BBX: variants seen among roughly 807,000 people sequenced by gnomAD.
The protein encoded by BBX is HMG box transcription factor BBX.
In BBX, 30 loss-of-function variants were observed where a neutral mutation model predicts 100.2. The observed-to-expected ratio is 0.30, with a 90% CI of 0.22 to 0.41. BBX has a LOEUF of 0.41. Ranked by LOEUF, BBX falls within the 10% of genes least tolerant of loss-of-function variation. The pLI, the probability that BBX is intolerant of heterozygous loss-of-function variation, is 1.00. For missense variants in BBX, 1,023 were observed against 1,129.8 expected, an observed-to-expected ratio of 0.91 and a Z score of 1.35; for synonymous variants, 376 against 388.1, an observed-to-expected ratio of 0.97 and a Z score of 0.37.
At chr3:107,538,835 G>A (rs1320566996) in intron 2 of BBX, among the ~76,000 whole-genome samples, 1 of 151,856 alleles carries the variant, frequency 6.6e-6, no homozygotes, top group Non-Finnish European at 1.5e-5. Context: ...CCCCAGCTAG[G>A]GTGCAGTGGT....
intron 3 of BBX, among the ~76,000 whole-genome samples, chr3:107,702,593 T>A (rs1382385165): frequency 6.6e-6 from 1 of 152,092 alleles, no homozygotes; most frequent in Non-Finnish European, 1.5e-5. Flanking sequence ...CTCTGACAGA[T>A]CCAAAAAAAG....
intron 3 of BBX, among the ~76,000 whole-genome samples, chr3:107,702,893 C>T (rs748840080): frequency 4.7e-4 from 72 of 152,104 alleles, no homozygotes; most frequent in Non-Finnish European, 8.4e-4. Flanking sequence ...GAAAGGACTG[C>T]GCAGAAGCAT....
chr3:107,752,960 G>T (rs918949528), intron 9 of BBX, among the ~76,000 whole-genome samples: 7 of 152,172 alleles, frequency 4.6e-5, no homozygotes, highest in African/African-American at 1.7e-4. Context: ...GGAGTGAACA[G>T]TAATATAACA....
At chr3:107,767,544 G>A (rs1255010960) in intron 10 of BBX, among the ~76,000 whole-genome samples, 2 of 152,120 alleles carry the variant, frequency 1.3e-5, no homozygotes, top group Non-Finnish European at 2.9e-5. Context: ...TGAAATAGGA[G>A]AGCTCAATAG....
chr3:107,759,451 T>A (rs1434568799), intron 10 of BBX, among the ~76,000 whole-genome samples: 1 of 152,142 alleles, frequency 6.6e-6, no homozygotes, highest in Non-Finnish European at 1.5e-5. Context: ...ATTAATTAGG[T>A]CAGGTCATAT....
At chr3:107,526,293 T>G in intron 1 of BBX, 34 bp from the exon 2 acceptor site, 1 of 398,642 alleles carries the variant, frequency 2.5e-6, no homozygotes, top group East Asian at 3.6e-5. Context: ...AGCCCTACTA[T>G]ACTGATGATG....
At chr3:107,628,247 G>A (rs1394500373) in intron 2 of BBX, among the ~76,000 whole-genome samples, 2 of 151,926 alleles carry the variant, frequency 1.3e-5, no homozygotes, top group Admixed American at 1.3e-4. Flanking sequence ...GTATAGAAAG[G>A]TATAAAGGAT....
At chr3:107,776,219 T>A (rs1354992073) in intron 12 of BBX, 1 of 152,110 alleles carries the variant, frequency 6.6e-6, no homozygotes, top group Non-Finnish European at 1.5e-5. Context: ...GCATTGAGGC[T>A]CCCCAACAGA....
At chr3:107,534,906 G>A (rs2048389010) in intron 2 of BBX, among the ~76,000 whole-genome samples, 1 of 152,184 alleles carries the variant, frequency 6.6e-6, no homozygotes, top group African/African-American at 2.4e-5. Context: ...GCAGTTTTTA[G>A]AAGTTTCCCA....
intron 2 of BBX, among the ~76,000 whole-genome samples, chr3:107,610,380 T>G (rs2054754350): frequency 6.6e-6 from 1 of 152,114 alleles, no homozygotes; most frequent in Non-Finnish European, 1.5e-5. Flanking sequence ...TCATTTGATC[T>G]GTAGCATAGA....
intron 2 of BBX, among the ~76,000 whole-genome samples, chr3:107,590,898 T>C (rs1274798006): frequency 6.6e-6 from 1 of 152,212 alleles, no homozygotes; most frequent in African/African-American, 2.4e-5. Flanking sequence ...GGAGTTGGGG[T>C]TCCACTCAAC....
chr3:107,731,951 T>G (rs2063343565), intron 6 of BBX, among the ~76,000 whole-genome samples: 1 of 152,228 alleles, frequency 6.6e-6, no homozygotes, highest in African/African-American at 2.4e-5. Context: ...CATTTTTACA[T>G]ATGTTCTTTC....
At chr3:107,541,446 T>C (rs2048855064) in intron 2 of BBX, among the ~76,000 whole-genome samples, 1 of 152,194 alleles carries the variant, frequency 6.6e-6, no homozygotes, top group South Asian at 2.1e-4. Context: ...TTAAGGCCCA[T>C]GTAGGGCCTT....
intron 3 of BBX, among the ~76,000 whole-genome samples, chr3:107,671,017 A>T (rs956786151): frequency 6.6e-6 from 1 of 152,106 alleles, no homozygotes; most frequent in South Asian, 2.1e-4. Context: ...TACGTAGATC[A>T]GATTGCTGTT....
chr3:107,708,789 C>T (rs1367360955), intron 3 of BBX, among the ~76,000 whole-genome samples: 1 of 151,806 alleles, frequency 6.6e-6, no homozygotes, highest in Non-Finnish European at 1.5e-5. Context: ...ATAGTAGACT[C>T]AGTAAATTGT....
chr3:107,714,333 T>C (rs1347090704), intron 4 of BBX, among the ~76,000 whole-genome samples: 1 of 152,144 alleles, frequency 6.6e-6, no homozygotes, highest in Non-Finnish European at 1.5e-5. Flanking sequence ...TTGCGCTTCT[T>C]CCCATCCACT....
At chr3:107,797,364 A>ATATATATATATATATATATATAT (rs71113691) in intron 15 of BBX, among the ~76,000 whole-genome samples, 2 of 109,832 alleles carry the variant, frequency 1.8e-5, no homozygotes, top group Non-Finnish European at 3.8e-5. Flanking sequence ...ATATATATAT[A>ATATATATATATATATATATATAT]GCTTTATTGC....
At chr3:107,761,621 G>A (rs542634317) in intron 10 of BBX, among the ~76,000 whole-genome samples, 7 of 152,206 alleles carry the variant, frequency 4.6e-5, no homozygotes, top group Non-Finnish European at 8.8e-5. Flanking sequence ...CCTTGACCTT[G>A]GAACCCTGCT....
chr3:107,796,722 T>TAA (rs959721692), intron 15 of BBX, among the ~76,000 whole-genome samples: 1 of 143,212 alleles, frequency 7.0e-6, no homozygotes, highest in African/African-American at 2.6e-5. Flanking sequence ...AAGTTTAAAC[T>TAA]AAAAAAAAAA....
Sources: gnomAD v4.1 joint callset for allele counts (sites outside exome capture counted in the v4.1 genomes callset) on GRCh38, gnomAD v4.1.1 for gene constraint, MANE v1.5 for transcripts, NCBI Gene and HGNC (gene_info 2026-07-23, HGNC 2026-07-21) for gene names.